CYP7B1: variants seen among roughly 807,000 people sequenced by gnomAD.
CYP7B1 encodes cytochrome P450 7B1.
CYP7B1 carries 29 observed loss-of-function variants against 42.7 expected under a neutral mutation model. The observed-to-expected ratio is 0.68, with a 90% CI of 0.51 to 0.93. The LOEUF is 0.93. Among genes scored for constraint, CYP7B1 ranks in the 40% least tolerant of loss-of-function variants. CYP7B1 has a pLI of 0.00. For missense variants in CYP7B1, 655 were observed against 600.5 expected, an observed-to-expected ratio of 1.09 and a Z score of -0.95; for synonymous variants, 235 against 218.2, an observed-to-expected ratio of 1.08 and a Z score of -0.68.
intron 4 of CYP7B1, 125 bp from the exon 5 acceptor site, chr8:64,604,982 C>T (rs1805258421): frequency 8.8e-7 from 1 of 1,133,334 alleles, no homozygotes; most frequent in Non-Finnish European, 1.3e-6. Context: ...TCATCACATA[C>T]ATTGAGCACC....
At chr8:64,731,832 C>A (rs1807415541) in intron 1 of CYP7B1, among the ~76,000 whole-genome samples, 1 of 152,196 alleles carries the variant, frequency 6.6e-6, no homozygotes, top group South Asian at 2.1e-4. Flanking sequence ...TAAAAGGAGC[C>A]AAGTTACAGC....
At chr8:64,623,164 C>T (rs114388389) in intron 2 of CYP7B1, among the ~76,000 whole-genome samples, 1 of 152,156 alleles carries the variant, frequency 6.6e-6, no homozygotes, top group Non-Finnish European at 1.5e-5. Flanking sequence ...TCTACATGTG[C>T]CCCCATGCAA....
intron 1 of CYP7B1, among the ~76,000 whole-genome samples, chr8:64,724,186 A>G (rs1344697660): frequency 3.9e-5 from 6 of 151,906 alleles, no homozygotes; most frequent in Non-Finnish European, 7.4e-5. Context: ...CCCAGGCTAG[A>G]TGGAGTGCAG....
intron 1 of CYP7B1, among the ~76,000 whole-genome samples, chr8:64,687,281 T>C (rs1450958582): frequency 1.3e-5 from 2 of 152,204 alleles, no homozygotes; most frequent in Non-Finnish European, 2.9e-5. Flanking sequence ...TTAATTCACG[T>C]GACAACTTGA....
intron 1 of CYP7B1, among the ~76,000 whole-genome samples, chr8:64,699,647 C>A (rs1208021572): frequency 1.3e-5 from 2 of 152,050 alleles, no homozygotes; most frequent in African/African-American, 2.4e-5. Flanking sequence ...CTTCTACAAT[C>A]AGTTTTGTTC....
At chr8:64,660,132 C>T (rs1806180372) in intron 1 of CYP7B1, among the ~76,000 whole-genome samples, 1 of 152,196 alleles carries the variant, frequency 6.6e-6, no homozygotes, top group African/African-American at 2.4e-5. Context: ...GAGGAAAGCA[C>T]TATTACTGTT....
chr8:64,640,760 C>T (rs1190924552), intron 1 of CYP7B1, among the ~76,000 whole-genome samples: 2 of 152,106 alleles, frequency 1.3e-5, no homozygotes, highest in Admixed American at 6.6e-5. Flanking sequence ...AACTCACAAT[C>T]CAATGATTGT....
intron 1 of CYP7B1, among the ~76,000 whole-genome samples, chr8:64,758,530 T>C (rs1196526960): frequency 6.6e-6 from 1 of 151,934 alleles, no homozygotes; most frequent in Non-Finnish European, 1.5e-5. Flanking sequence ...GAATATTTAA[T>C]ATTATTTAAA....
At chr8:64,760,869 ATAT>A (rs1252633638) in intron 1 of CYP7B1, among the ~76,000 whole-genome samples, 1 of 152,192 alleles carries the variant, frequency 6.6e-6, no homozygotes, top group Non-Finnish European at 1.5e-5. Context: ...AAAGGAAATA[ATAT>A]TAGTATCTTC....
intron 1 of CYP7B1, among the ~76,000 whole-genome samples, chr8:64,778,257 T>C (rs897082403): frequency 4.2e-4 from 63 of 149,926 alleles, no homozygotes; most frequent in African/African-American, 1.1e-3. Context: ...TATATACATA[T>C]ACTACATATA....
chr8:64,773,827 G>T (rs1338020337), intron 1 of CYP7B1, among the ~76,000 whole-genome samples: 1 of 152,190 alleles, frequency 6.6e-6, no homozygotes, highest in African/African-American at 2.4e-5. Context: ...GCCAGAGAGA[G>T]CTCACTTTTA....
chr8:64,646,215 A>G (rs1489642534), intron 1 of CYP7B1, among the ~76,000 whole-genome samples: 2 of 152,190 alleles, frequency 1.3e-5, no homozygotes, highest in South Asian at 4.2e-4. Context: ...TAATTAAACT[A>G]AAGAGCTTCT....
chr8:64,744,566 AT>A (rs1807616093), intron 1 of CYP7B1, among the ~76,000 whole-genome samples: 1 of 152,084 alleles, frequency 6.6e-6, no homozygotes, highest in South Asian at 2.1e-4. Flanking sequence ...CTAAGATAGG[AT>A]TTTTTTCTTT....
intron 1 of CYP7B1, among the ~76,000 whole-genome samples, chr8:64,766,993 T>C (rs983767467): frequency 4.6e-5 from 7 of 152,166 alleles, no homozygotes; most frequent in Non-Finnish European, 8.8e-5. Flanking sequence ...TAGATACTTC[T>C]CCCAGCCACT....
chr8:64,696,542 A>C (rs1397106227), intron 1 of CYP7B1, among the ~76,000 whole-genome samples: 1 of 152,164 alleles, frequency 6.6e-6, no homozygotes, highest in African/African-American at 2.4e-5. Context: ...ATGGTCACTA[A>C]ACTAGTCAGC....
At chr8:64,656,153 C>T (rs1806117650) in intron 1 of CYP7B1, among the ~76,000 whole-genome samples, 1 of 151,762 alleles carries the variant, frequency 6.6e-6, no homozygotes, top group South Asian at 2.1e-4. Flanking sequence ...TGTTTAGTTC[C>T]AAACAAAAAA....
chr8:64,740,818 T>C (rs1204657817), intron 1 of CYP7B1, among the ~76,000 whole-genome samples: 1 of 152,114 alleles, frequency 6.6e-6, no homozygotes, highest in Admixed American at 6.6e-5. Context: ...ATATATCTTT[T>C]GAATAGGCCT....
chr8:64,739,883 TGAAA>T (rs1807543606), intron 1 of CYP7B1, among the ~76,000 whole-genome samples: 2 of 152,106 alleles, frequency 1.3e-5, no homozygotes, highest in Non-Finnish European at 2.9e-5. Context: ...TTTAAAGTGT[TGAAA>T]GGAAAAAAAT....
At chr8:64,636,558 A>G (rs912485039) in intron 1 of CYP7B1, among the ~76,000 whole-genome samples, 2 of 152,146 alleles carry the variant, frequency 1.3e-5, no homozygotes, top group Non-Finnish European at 2.9e-5. Context: ...TTTTCAATAA[A>G]GTACTAATTT....
Sources: gnomAD v4.1 joint callset for allele counts (sites outside exome capture counted in the v4.1 genomes callset) on GRCh38, gnomAD v4.1.1 for gene constraint, MANE v1.5 for transcripts, NCBI Gene and HGNC (gene_info 2026-07-23, HGNC 2026-07-21) for gene names.